The following PRKG1 variants were observed in gnomAD, a reference collection of about 807,000 sequenced individuals.
The protein encoded by PRKG1 is cGMP-dependent protein kinase 1.
In PRKG1, 35 loss-of-function variants were observed where a neutral mutation model predicts 88.1. That is an observed-to-expected ratio of 0.40 (90% CI 0.30 to 0.53). PRKG1 has a LOEUF of 0.53. Among genes scored for constraint, PRKG1 ranks in the 20% least tolerant of loss-of-function variants. The probability of loss-of-function intolerance (pLI) is 0.59; values close to 1 mark genes in which losing one functional copy is unlikely to be tolerated. For missense variants in PRKG1, 540 were observed against 839.8 expected, an observed-to-expected ratio of 0.64 and a Z score of 4.41; for synonymous variants, 303 against 292.5, an observed-to-expected ratio of 1.04 and a Z score of -0.37.
rs150091185 is a variant in PRKG1 at position 51,528,981 on chromosome 10, T to G, written c.592+61145T>G. Among the ~76,000 whole-genome samples, 292 of 152,224 alleles carry G rather than the reference T, an allele frequency of 1.9e-3. 1 individual carries two copies. Among genetic ancestry groups the G allele is most frequent in the African/African-American group, 6.7e-3 (280 of 41,550 alleles). The stretch of plus-strand genomic sequence containing the variant: ...TCTCCTAAATGCACAGGAATTAACA[T>G]GCAAAGGCAGGATAGTAGCTATCCT... On this transcript the variant is annotated intron_variant, in intron 3 of 17. Transcript: ENST00000373980.
chr10:51,493,390 C>A (rs768707110), intron 3 of PRKG1, among the ~76,000 whole-genome samples: 8 of 152,082 alleles, frequency 5.3e-5, no homozygotes, highest in African/African-American at 1.9e-4. Context: ...CCTTTTGGGG[C>A]CTCCTTAAAG....
chr10:51,522,693 T>G (rs1841764952), intron 3 of PRKG1, among the ~76,000 whole-genome samples: 1 of 152,218 alleles, frequency 6.6e-6, no homozygotes, highest in African/African-American at 2.4e-5. Context: ...TTCACTTTAA[T>G]TGATTGAAAT....
At chr10:51,641,718 T>C (rs183455313) in intron 3 of PRKG1, among the ~76,000 whole-genome samples, 59 of 152,310 alleles carry the variant, frequency 3.9e-4, no homozygotes, top group African/African-American at 1.3e-3. Context: ...ACTGGCTCAC[T>C]GCTAACCTCC....
At chr10:51,227,410 A>G (rs535389149) in intron 2 of PRKG1, among the ~76,000 whole-genome samples, 4 of 152,222 alleles carry the variant, frequency 2.6e-5, no homozygotes, top group Admixed American at 1.3e-4. Context: ...TGCACACCAC[A>G]CTAGCCCTTC....
chr10:52,105,624 GT>G (rs1265246417), intron 7 of PRKG1, among the ~76,000 whole-genome samples: 1 of 151,452 alleles, frequency 6.6e-6, no homozygotes, highest in Non-Finnish European at 1.5e-5. Flanking sequence ...TACCTTTTTA[GT>G]TTTTTTTAAA....
At chr10:51,018,459 A>G (rs532065363) in intron 1 of PRKG1, among the ~76,000 whole-genome samples, 2 of 152,326 alleles carry the variant, frequency 1.3e-5, no homozygotes, top group Admixed American at 6.5e-5. Flanking sequence ...TAAATAATTT[A>G]GTGGAGTCAG....
chr10:51,160,471 T>C (rs1005993195), intron 2 of PRKG1, among the ~76,000 whole-genome samples: 3 of 152,198 alleles, frequency 2.0e-5, no homozygotes, highest in Non-Finnish European at 2.9e-5. Flanking sequence ...TGGGTCTTAA[T>C]GTATGTGAAA....
chr10:51,948,265 A>T (rs577434153), intron 5 of PRKG1, among the ~76,000 whole-genome samples: 19 of 152,272 alleles, frequency 1.2e-4, no homozygotes, highest in African/African-American at 4.3e-4. Context: ...TTGACTTTGA[A>T]GATACGAAAG....
intron 3 of PRKG1, among the ~76,000 whole-genome samples, chr10:51,629,386 A>G (rs962511897): frequency 1.3e-4 from 20 of 151,958 alleles, no homozygotes; most frequent in African/African-American, 4.8e-4. Context: ...TACAATAGTT[A>G]TACAACTCAC....
At chr10:51,998,716 T>C (rs1298327280) in intron 5 of PRKG1, among the ~76,000 whole-genome samples, 1 of 152,236 alleles carries the variant, frequency 6.6e-6, no homozygotes, top group East Asian at 1.9e-4. Context: ...TTTTTGTATA[T>C]TTTAAAATAA....
chr10:51,665,697 A>C lies in PRKG1; in HGVS notation c.593-138888A>C, dbSNP rs529315921. On this transcript the variant is annotated intron_variant, in intron 3 of 17. Transcript: ENST00000373980. ...ATTTTTATTTTTTTTTTGTCTTTCT[A>C]CTCATCCCTCCTTCTATTTCTTGAT... 1.1e-4 allele frequency among the ~76,000 whole-genome samples: 17 copies of C among 150,604 alleles called. No homozygotes were observed. In the South Asian group the frequency reaches 3.6e-3, roughly 32 times the overall value.
intron 7 of PRKG1, among the ~76,000 whole-genome samples, chr10:52,094,455 C>T (rs1037447324): frequency 2.0e-5 from 3 of 152,142 alleles, no homozygotes; most frequent in Middle Eastern, 3.4e-3. Context: ...TTTATATAAA[C>T]CCATTATTTC....
In PRKG1 at chr10:51,388,818, T is replaced by C. The variant is rs551598136; in HGVS notation, c.479-78905T>C. 1.6e-3 allele frequency among the ~76,000 whole-genome samples: 239 copies of C among 152,360 alleles called. 1 individual carries two copies. Among genetic ancestry groups the C allele is most frequent in the African/African-American group, 5.7e-3 (235 of 41,590 alleles). On this transcript the variant is annotated intron_variant, in intron 2 of 17. Transcript: ENST00000373980. ...AGGAATACCAACCAGCAAGGTGGTC[T>C]GGTTAAAAGGAAGTTTTTTTCTCAC...
intron 1 of PRKG1, among the ~76,000 whole-genome samples, chr10:51,008,016 T>C (rs1041966989): frequency 6.6e-6 from 1 of 152,170 alleles, no homozygotes; most frequent in African/African-American, 2.4e-5. Context: ...GGCTTGCTGG[T>C]CCAAGACGTC....
chr10:51,527,807 G>C (rs1360549550), intron 3 of PRKG1, among the ~76,000 whole-genome samples: 1 of 152,166 alleles, frequency 6.6e-6, no homozygotes, highest in Admixed American at 6.5e-5. Flanking sequence ...CTGTTTGAAA[G>C]AGGTCTTTAA....
intron 1 of PRKG1, among the ~76,000 whole-genome samples, chr10:51,030,690 T>A (rs1297201424): frequency 2.6e-5 from 4 of 152,128 alleles, no homozygotes; most frequent in Non-Finnish European, 4.4e-5. Flanking sequence ...CTTGCAGTAA[T>A]GAGTTCTTGC....
At chr10:51,526,173 A>G (rs1841879289) in intron 3 of PRKG1, among the ~76,000 whole-genome samples, 1 of 152,192 alleles carries the variant, frequency 6.6e-6, no homozygotes, top group South Asian at 2.1e-4. Context: ...GAGGGGTGCT[A>G]TAAGAAAAAC....
chr10:52,111,254 A>G (rs1043652090), intron 7 of PRKG1, among the ~76,000 whole-genome samples: 1 of 152,176 alleles, frequency 6.6e-6, no homozygotes, highest in African/African-American at 2.4e-5. Flanking sequence ...TTTCACATAC[A>G]TCTTCTTTAA....
chr10:51,762,499 G>A (rs1276870693), intron 3 of PRKG1, among the ~76,000 whole-genome samples: 1 of 152,032 alleles, frequency 6.6e-6, no homozygotes. Context: ...ATATTCAATC[G>A]ACCTTAAATT....
Sources: gnomAD v4.1 joint callset for allele counts (sites outside exome capture counted in the v4.1 genomes callset) on GRCh38, gnomAD v4.1.1 for gene constraint, MANE v1.5 for transcripts, NCBI Gene and HGNC (gene_info 2026-07-23, HGNC 2026-07-21) for gene names.